Variants in SULF1 observed in about 807,000 individuals in gnomAD.
SULF1 encodes extracellular sulfatase Sulf-1.
In SULF1, 46 loss-of-function variants were observed where a neutral mutation model predicts 110.5. The observed-to-expected ratio is 0.42, with a 90% CI of 0.33 to 0.53. The LOEUF (loss-of-function observed/expected upper bound fraction) is 0.53. Among genes scored for constraint, SULF1 ranks in the 20% least tolerant of loss-of-function variants. The probability of loss-of-function intolerance (pLI) is 0.12; values close to 1 mark genes in which losing one functional copy is unlikely to be tolerated. For missense variants in SULF1, 941 were observed against 1,094.2 expected, an observed-to-expected ratio of 0.86 and a Z score of 1.98; for synonymous variants, 371 against 387.1, an observed-to-expected ratio of 0.96 and a Z score of 0.49.
At chr8:69,475,018 A>G (rs1057017944) in intron 1 of SULF1, among the ~76,000 whole-genome samples, 1 of 152,132 alleles carries the variant, frequency 6.6e-6, no homozygotes, top group Non-Finnish European at 1.5e-5. Context: ...TAATCTCATG[A>G]TCTGTATGAC....
chr8:69,547,454 T>A (rs910641731), intron 3 of SULF1, among the ~76,000 whole-genome samples: 3 of 152,200 alleles, frequency 2.0e-5, no homozygotes, highest in Non-Finnish European at 4.4e-5. Flanking sequence ...AAATATGTGT[T>A]AGAGGAAAAT....
At chr8:69,588,309 T>C (rs1313533774) in intron 7 of SULF1, among the ~76,000 whole-genome samples, 3 of 152,212 alleles carry the variant, frequency 2.0e-5, no homozygotes. Flanking sequence ...TAACACAGTA[T>C]AATCTGCAGG....
At chr8:69,643,000 C>CT (rs1437691608) in intron 22 of SULF1, among the ~76,000 whole-genome samples, 21 of 151,896 alleles carry the variant, frequency 1.4e-4, no homozygotes, top group South Asian at 4.2e-4. Flanking sequence ...TTACCTGTTG[C>CT]TTTTTTTTTC....
intron 3 of SULF1, among the ~76,000 whole-genome samples, chr8:69,546,564 T>C (rs972252818): frequency 5.3e-5 from 8 of 152,234 alleles, no homozygotes; most frequent in Non-Finnish European, 7.3e-5. Context: ...CACAAATGCA[T>C]TTTCAGTAGT....
chr8:69,616,449 C>T (rs1038525335), intron 13 of SULF1, among the ~76,000 whole-genome samples: 2 of 151,138 alleles, frequency 1.3e-5, no homozygotes, highest in Non-Finnish European at 2.9e-5. Flanking sequence ...TCACCCAGCC[C>T]GGAATGCAGT....
intron 2 of SULF1, among the ~76,000 whole-genome samples, chr8:69,496,518 G>T (rs1810370308): frequency 6.6e-6 from 1 of 152,170 alleles, no homozygotes; most frequent in Non-Finnish European, 1.5e-5. Context: ...TCTCAGCTAT[G>T]CAAAATAATC....
chr8:69,594,971 G>A (rs990166996), intron 8 of SULF1, among the ~76,000 whole-genome samples: 1 of 152,262 alleles, frequency 6.6e-6, no homozygotes, highest in East Asian at 1.9e-4. Flanking sequence ...CCCAGTGCCT[G>A]GTGGACATGC....
chr8:69,651,059 T>TTTC (rs1554600023), intron 22 of SULF1, among the ~76,000 whole-genome samples: 24 of 148,324 alleles, frequency 1.6e-4, no homozygotes, highest in African/African-American at 6.1e-4. Flanking sequence ...TTCTTTTCTT[T>TTTC]TTTTTTTTTT....
chr8:69,653,996 C>T (rs1812538891), intron 22 of SULF1, among the ~76,000 whole-genome samples: 1 of 152,188 alleles, frequency 6.6e-6, no homozygotes, highest in Non-Finnish European at 1.5e-5. Flanking sequence ...ATCATTCTGT[C>T]ATATGAAAAT....
intron 3 of SULF1, among the ~76,000 whole-genome samples, chr8:69,510,764 G>A (rs568608746): frequency 1.6e-4 from 24 of 151,814 alleles, no homozygotes; most frequent in Non-Finnish European, 3.2e-4. Context: ...TTACAGGTGG[G>A]CACCACCATG....
intron 3 of SULF1, among the ~76,000 whole-genome samples, chr8:69,515,720 C>T (rs1053709776): frequency 1.1e-4 from 16 of 152,168 alleles, no homozygotes; most frequent in Admixed American, 1.3e-4. Context: ...TTCGTTTATG[C>T]AAATGAATAT....
chr8:69,637,386 C>T (rs1358107356), intron 19 of SULF1, among the ~76,000 whole-genome samples: 1 of 152,254 alleles, frequency 6.6e-6, no homozygotes, highest in African/African-American at 2.4e-5. Context: ...GTTAATGTTG[C>T]GAGTTGTCTC....
chr8:69,582,688 GAAAAAAA>G (rs3059986), intron 6 of SULF1, among the ~76,000 whole-genome samples: 7 of 136,748 alleles, frequency 5.1e-5, no homozygotes, highest in African/African-American at 1.9e-4. Flanking sequence ...TGCCTTCTTG[GAAAAAAA>G]AAAAAAAAAA....
intron 15 of SULF1, among the ~76,000 whole-genome samples, chr8:69,626,471 C>T (rs370494990): frequency 1.3e-5 from 2 of 152,252 alleles, no homozygotes; most frequent in African/African-American, 4.8e-5. Flanking sequence ...GCCAGTCCCG[C>T]GCCATGCGCT....
chr8:69,640,703 G>C, intron 21 of SULF1, 105 bp from the exon 22 acceptor site: 2 of 918,918 alleles, frequency 2.2e-6, no homozygotes, highest in South Asian at 1.8e-5. Flanking sequence ...TTAACACCAT[G>C]TGTTTCTTTC....
chr8:69,580,877 GT>G (rs1806013919), intron 6 of SULF1, among the ~76,000 whole-genome samples: 1 of 151,906 alleles, frequency 6.6e-6, no homozygotes, highest in African/African-American at 2.4e-5. Flanking sequence ...AAATTTTTTT[GT>G]CTTTTTACGT....
chr8:69,494,971 C>T (rs766186686), intron 1 of SULF1, among the ~76,000 whole-genome samples: 7 of 151,322 alleles, frequency 4.6e-5, no homozygotes, highest in Non-Finnish European at 8.8e-5. Flanking sequence ...GACAATAGGG[C>T]GCAGATTCCA....
intron 3 of SULF1, among the ~76,000 whole-genome samples, chr8:69,514,767 T>C: frequency 6.6e-6 from 1 of 152,224 alleles, no homozygotes; most frequent in East Asian, 1.9e-4. Flanking sequence ...AATGCTCATG[T>C]TCCAAAAGGG....
intron 3 of SULF1, among the ~76,000 whole-genome samples, chr8:69,515,907 T>C (rs1272795960): frequency 1.3e-5 from 2 of 152,226 alleles, no homozygotes; most frequent in Non-Finnish European, 2.9e-5. Context: ...ACTCAAGTTC[T>C]GAATGAGTTC....
Sources: gnomAD v4.1 joint callset for allele counts (sites outside exome capture counted in the v4.1 genomes callset) on GRCh38, gnomAD v4.1.1 for gene constraint, MANE v1.5 for transcripts, NCBI Gene and HGNC (gene_info 2026-07-23, HGNC 2026-07-21) for gene names.